OTOP1: variants seen among roughly 807,000 people sequenced by gnomAD.
OTOP1 encodes proton channel OTOP1.
OTOP1 carries 59 observed loss-of-function variants against 52.9 expected under a neutral mutation model. That is an observed-to-expected ratio of 1.12 (90% confidence interval 0.91 to 1.39). OTOP1 has a LOEUF of 1.39. Among genes scored for constraint, OTOP1 ranks in the 40% most tolerant of loss-of-function variants. OTOP1 has a pLI of 0.00. For missense variants in OTOP1, 761 were observed against 800.9 expected (o/e 0.95, Z 0.60); for synonymous variants, 317 against 337.7 (o/e 0.94, Z 0.67).
chr4:4,219,860 T>C (rs1717241667), intron 1 of OTOP1, among the ~76,000 whole-genome samples: 2 of 147,192 alleles, frequency 1.4e-5, no homozygotes, highest in Admixed American at 1.4e-4. Context: ...TATACATGTA[T>C]ATATGTATAC....
intron 1 of OTOP1, among the ~76,000 whole-genome samples, chr4:4,221,525 C>T (rs865837794): frequency 1.3e-5 from 2 of 152,326 alleles, no homozygotes; most frequent in African/African-American, 4.8e-5. Context: ...TCCTCCCAGG[C>T]CCCTGGTTGC....
chr4:4,220,756 G>A (rs1465310198), intron 1 of OTOP1, among the ~76,000 whole-genome samples: 1 of 152,084 alleles, frequency 6.6e-6, no homozygotes, highest in African/African-American at 2.4e-5. Context: ...ATAATCCAAA[G>A]ACTACCTAGG....
At chr4:4,196,241 A>G (rs1333223009) in intron 5 of OTOP1, among the ~76,000 whole-genome samples, 1 of 151,762 alleles carries the variant, frequency 6.6e-6, no homozygotes, top group Non-Finnish European at 1.5e-5. Flanking sequence ...CAGCACAGTG[A>G]GAACCTATCT....
intron 3 of OTOP1, among the ~76,000 whole-genome samples, chr4:4,202,788 C>G (rs980974435): frequency 1.3e-5 from 2 of 152,214 alleles, no homozygotes; most frequent in African/African-American, 2.4e-5. Flanking sequence ...TGGCATTCAG[C>G]CGTAGTCTTG....
Position 4,226,448 on chromosome 4 carries a change from G to A in OTOP1, c.403+14C>T, listed in dbSNP as rs1560213157. On this transcript the variant is annotated intron_variant, in intron 1 of 5. Coordinates refer to ENST00000296358, the MANE Select transcript of OTOP1 (RefSeq NM_177998.3). Reference sequence around the variant, plus strand: ...GAGGAGGCGGAGACCCGCTCGCCCGGCGCCTGGACTCACCGCGCAGCCAGC... The same window carrying A: ...GAGGAGGCGGAGACCCGCTCGCCCGACGCCTGGACTCACCGCGCAGCCAGC... The A allele has an allele frequency of 1.4e-6, 2 of 1,442,324 alleles. No homozygotes were observed. The highest frequency in any genetic ancestry group is 1.8e-6 in the Non-Finnish European group (2 of 1,103,932). 89.3% of individuals were successfully genotyped at this position (1,442,324 alleles called of 1,614,324 possible). A position where few individuals can be genotyped will look rare whatever the true frequency, so the allele number is the denominator to read the frequency against.
intron 4 of OTOP1, among the ~76,000 whole-genome samples, chr4:4,200,797 A>G (rs1028881001): frequency 6.6e-6 from 1 of 150,546 alleles, no homozygotes; most frequent in African/African-American, 2.5e-5. Context: ...GGCTGAAGCA[A>G]TGCTCCAGCC....
intron 4 of OTOP1, among the ~76,000 whole-genome samples, chr4:4,198,763 A>G (rs886707839): frequency 6.6e-6 from 1 of 152,198 alleles, no homozygotes; most frequent in Non-Finnish European, 1.5e-5. Context: ...TTCTCATCAC[A>G]GGAGGGCAGA....
Position 4,197,406 on chromosome 4 carries a change from A to G in OTOP1, c.1428T>C (p.Ser476=), listed in dbSNP as rs777358779. Residue 476 remains serine, a synonymous_variant, in exon 5 of 6, where the codon TCT becomes TCC. Coordinates refer to ENST00000296358, the MANE Select transcript of OTOP1 (RefSeq NM_177998.3). ...CCACACCTCCACTCTTGGGGCAGGA[A>G]GAAGCAAGGGGCATGGTGTTGCCAT... ...VCNGNTMPLA[S]SCPKSGGVAR... 6.2e-7 allele frequency: 1 copy of G among 1,614,112 alleles called. No homozygotes were observed. The highest frequency in any genetic ancestry group is 1.1e-5 in the South Asian group (1 of 91,068).
chr4:4,196,701 C>G (rs888695568), intron 5 of OTOP1, among the ~76,000 whole-genome samples: 7 of 152,292 alleles, frequency 4.6e-5, no homozygotes, highest in African/African-American at 1.4e-4. Flanking sequence ...GCACTCCAGC[C>G]TGGGCAACAG....
rs533480059 is a variant in OTOP1 at position 4,206,204 on chromosome 4, T to C, written c.541-74A>G. 2.4e-6 allele frequency: 3 copies of C among 1,270,854 alleles called. No individual in the cohort carries two copies. The South Asian group carries it at 3.8e-5, about 16-fold the overall frequency. 78.7% of individuals were successfully genotyped at this position (1,270,854 alleles called of 1,614,324 possible). Reference sequence around the variant, plus strand: ...TTACACTTGCAAACTTGAGAAGCTATAAAACTCAAAGAAAATGTATGAGAA... The same window carrying C: ...TTACACTTGCAAACTTGAGAAGCTACAAAACTCAAAGAAAATGTATGAGAA... On this transcript the variant is annotated intron_variant, in intron 2 of 5. Transcript: ENST00000296358.
intron 1 of OTOP1, among the ~76,000 whole-genome samples, chr4:4,214,169 G>A (rs1465336039): frequency 3.3e-5 from 5 of 152,022 alleles, no homozygotes; most frequent in Non-Finnish European, 7.4e-5. Context: ...CTCCAAAGAA[G>A]ACATAAAGAT....
At chr4:4,223,144 AC>A (rs1214648434) in intron 1 of OTOP1, among the ~76,000 whole-genome samples, 2 of 152,172 alleles carry the variant, frequency 1.3e-5, no homozygotes, top group Admixed American at 1.3e-4. Context: ...TCTACTGAAC[AC>A]CTATCACGTG....
intron 4 of OTOP1, among the ~76,000 whole-genome samples, chr4:4,198,639 T>A (rs1204906439): frequency 6.6e-6 from 1 of 152,182 alleles, no homozygotes; most frequent in Non-Finnish European, 1.5e-5. Flanking sequence ...GATGTGCCTC[T>A]TAAGACTCCA....
chr4:4,216,775 A>C (rs13130968), intron 1 of OTOP1, among the ~76,000 whole-genome samples: 44,880 of 152,120 alleles, frequency 0.3, 7,273 homozygotes, highest in South Asian at 0.5. Context: ...GAGCACAGGC[A>C]TGAAACTGTA....
intron 5 of OTOP1, among the ~76,000 whole-genome samples, chr4:4,189,386 T>A (rs1716453615): frequency 6.6e-6 from 1 of 152,236 alleles, no homozygotes; most frequent in Non-Finnish European, 1.5e-5. Flanking sequence ...ACCTACACAC[T>A]GTTCCCTGCT....
intron 1 of OTOP1, among the ~76,000 whole-genome samples, chr4:4,223,888 TCAAAAA>T (rs71638539): frequency 0.43 from 63,449 of 146,516 alleles, 16,138 homozygotes; most frequent in Non-Finnish European, 0.59. Context: ...AGATTCCATC[TCAAAAA>T]CAAAAACAAA....
intron 2 of OTOP1, among the ~76,000 whole-genome samples, chr4:4,211,475 A>T (rs890458890): frequency 3.3e-5 from 5 of 152,234 alleles, no homozygotes; most frequent in Admixed American, 2.0e-4. Flanking sequence ...AGAGCCTGCC[A>T]TTTGCAACAA....
chr4:4,207,870 A>G (rs968705250), intron 2 of OTOP1, among the ~76,000 whole-genome samples: 2 of 152,242 alleles, frequency 1.3e-5, no homozygotes, highest in African/African-American at 2.4e-5. Flanking sequence ...GAGGGCTTCA[A>G]TATTTTAAAG....
intron 1 of OTOP1, among the ~76,000 whole-genome samples, chr4:4,224,728 C>A (rs1577187117): frequency 6.6e-6 from 1 of 152,202 alleles, no homozygotes; most frequent in Non-Finnish European, 1.5e-5. Context: ...TAGATCCAGT[C>A]CCTGAGCCTA....
Sources: allele counts gnomAD v4.1 joint callset (sites outside exome capture counted in the v4.1 genomes callset), GRCh38; gene constraint gnomAD v4.1.1; transcripts MANE v1.5; gene names NCBI Gene and HGNC (gene_info 2026-07-23, HGNC 2026-07-21).